Variants in RNF111 observed in about 807,000 individuals in gnomAD.
RNF111 encodes ring finger protein 111.
RNF111 carries 17 observed loss-of-function variants against 95.1 expected under a neutral mutation model. The ratio of observed to expected loss-of-function variants is 0.18; its 90% CI spans 0.12 to 0.27. The LOEUF (loss-of-function observed/expected upper bound fraction) is 0.27, where lower values mean the gene tolerates loss of function less well. Among genes scored for constraint, RNF111 ranks in the 10% least tolerant of loss-of-function variants. The pLI, the probability that RNF111 is intolerant of heterozygous loss-of-function variation, is 1.00. For synonymous variants in RNF111, 440 were observed against 414.8 expected, an observed-to-expected ratio of 1.06 and a Z score of -0.74; for missense variants, 1,189 against 1,210.4, an observed-to-expected ratio of 0.98 and a Z score of 0.26.
At chr15:59,071,199 G>A (rs1295925602) in intron 6 of RNF111, among the ~76,000 whole-genome samples, 1 of 151,406 alleles carries the variant, frequency 6.6e-6, no homozygotes. Flanking sequence ...TCGGGAGGCT[G>A]AGGCAGGAGA....
chr15:59,043,851 C>T (rs1192615248), intron 2 of RNF111, among the ~76,000 whole-genome samples: 16 of 152,208 alleles, frequency 1.1e-4, no homozygotes, highest in Middle Eastern at 3.4e-3. Context: ...GGTATGGTAC[C>T]ATGGTGTCAT....
intron 4 of RNF111, among the ~76,000 whole-genome samples, chr15:59,057,464 C>T (rs754206926): frequency 2.0e-5 from 3 of 152,162 alleles, no homozygotes; most frequent in Non-Finnish European, 4.4e-5. Context: ...CCCTCTCATT[C>T]CATAGCACAT....
chr15:58,989,218 T>C (rs1206008211), intron 1 of RNF111, among the ~76,000 whole-genome samples: 1 of 152,228 alleles, frequency 6.6e-6, no homozygotes, highest in Admixed American at 6.5e-5. Context: ...ATAAGCCACA[T>C]TGTTTCACCC....
At chr15:59,076,238 C>G in intron 7 of RNF111, 23 bp downstream of exon 7, 1 of 1,601,830 alleles carries the variant, frequency 6.2e-7, no homozygotes, top group Non-Finnish European at 8.5e-7. Context: ...TTAGTGGACA[C>G]AAAATCTAGA....
rs2079083974 is a variant in RNF111, at chr15:59,092,623, G to C, written c.2826G>C (p.Glu942Asp). The change falls in exon 13 of 14, where the codon GAG (glutamate) becomes GAC (aspartate). Residue 942 changes from glutamate to aspartate, a missense_variant. By Grantham distance (45) the Glu-to-Asp change is conservative. Around this residue, in one of 2 missense-constraint regions of RNF111, gnomAD observed 165 missense variants for 284.6 expected, o/e 0.58. Transcript: ENST00000348370. ...EKCTICLSILEEGEDVRRLPC... is the reference protein window; with the variant it reads ...EKCTICLSILDEGEDVRRLPC... Reference sequence around the variant, plus strand: ...GTACTATCTGTTTGTCTATTTTAGAGGAAGGTGAAGATGTGAGGTAACTAG... The same window carrying C: ...GTACTATCTGTTTGTCTATTTTAGACGAAGGTGAAGATGTGAGGTAACTAG... 6.2e-7 allele frequency: 1 copy of C among 1,610,994 alleles called. No individual in the cohort carries two copies. The highest frequency in any genetic ancestry group is 1.1e-5 in the South Asian group (1 of 90,624).
chr15:59,033,422 T>C (rs1353951966), intron 2 of RNF111, among the ~76,000 whole-genome samples: 1 of 152,238 alleles, frequency 6.6e-6, no homozygotes, highest in Non-Finnish European at 1.5e-5. Context: ...AGAGTTCATT[T>C]TGATCATGTA....
chr15:59,073,368 C>T (rs1476124836), intron 6 of RNF111, among the ~76,000 whole-genome samples: 27 of 151,896 alleles, frequency 1.8e-4, no homozygotes, highest in Admixed American at 1.8e-3. Context: ...GTAATCCCAG[C>T]TGCTCGCGAG....
At chr15:59,012,639 A>G (rs970691575) in intron 1 of RNF111, among the ~76,000 whole-genome samples, 1 of 152,180 alleles carries the variant, frequency 6.6e-6, no homozygotes, top group African/African-American at 2.4e-5. Context: ...TTTGACTTAC[A>G]CATAATTTCT....
chr15:59,078,111 T>C (rs1283521087), intron 7 of RNF111, among the ~76,000 whole-genome samples: 1 of 152,216 alleles, frequency 6.6e-6, no homozygotes, highest in African/African-American at 2.4e-5. Flanking sequence ...TTGGTGACTT[T>C]GGATAAGTTA....
At chr15:59,018,573 C>T (rs1448925215) in intron 1 of RNF111, among the ~76,000 whole-genome samples, 1 of 152,070 alleles carries the variant, frequency 6.6e-6, no homozygotes, top group Admixed American at 6.5e-5. Context: ...ACTATATATA[C>T]AGAAACTTAT....
chr15:59,073,505 T>C (rs1193633290), intron 6 of RNF111, among the ~76,000 whole-genome samples: 1 of 151,580 alleles, frequency 6.6e-6, no homozygotes, highest in Non-Finnish European at 1.5e-5. Context: ...ATAAATAAAC[T>C]ACTTTCTTTG....
At chr15:59,058,867 A>G (rs962967078) in intron 5 of RNF111, among the ~76,000 whole-genome samples, 1 of 152,222 alleles carries the variant, frequency 6.6e-6, no homozygotes, top group Non-Finnish European at 1.5e-5. Flanking sequence ...ACTTTCGTGC[A>G]TTAAAGGATA....
chr15:59,072,599 C>G (rs796069158), intron 6 of RNF111, among the ~76,000 whole-genome samples: 2 of 151,178 alleles, frequency 1.3e-5, no homozygotes. Context: ...TACAGGTGCC[C>G]GCCACCACGC....
At chr15:59,009,118 C>T (rs999854611) in intron 1 of RNF111, among the ~76,000 whole-genome samples, 1 of 152,038 alleles carries the variant, frequency 6.6e-6, no homozygotes, top group Non-Finnish European at 1.5e-5. Flanking sequence ...CCACCATGTC[C>T]AGCTAATTTT....
intron 6 of RNF111, among the ~76,000 whole-genome samples, chr15:59,072,668 G>A (rs2042989141): frequency 1.3e-5 from 2 of 151,190 alleles, no homozygotes; most frequent in Admixed American, 6.6e-5. Context: ...TAGCCACGTT[G>A]GTCTCAATCT....
intron 1 of RNF111, among the ~76,000 whole-genome samples, chr15:59,016,404 G>A (rs1047755337): frequency 2.6e-5 from 4 of 151,904 alleles, no homozygotes; most frequent in South Asian, 4.1e-4. Context: ...TCTTGACTTC[G>A]TGATCTGCCC....
At chr15:59,041,754 G>A (rs564557891) in intron 2 of RNF111, among the ~76,000 whole-genome samples, 4 of 152,224 alleles carry the variant, frequency 2.6e-5, no homozygotes, top group Admixed American at 2.6e-4. Flanking sequence ...CACCGGCAAG[G>A]GTGCCTGTTT....
At position 59,097,392 on chromosome 15, in the gene RNF111, T is replaced by C. The variant is rs1158266119; in HGVS notation, c.*2492T>C. 6.6e-6 allele frequency: 1 copy of C among 152,158 alleles called. No individual in the cohort carries two copies. Among genetic ancestry groups the C allele is most frequent in the Admixed American group, 6.5e-5 (1 of 15,268 alleles). 9.4% of individuals were successfully genotyped at this position (152,158 alleles called of 1,614,324 possible). A position where few individuals can be genotyped will look rare whatever the true frequency, so the allele number is the denominator to read the frequency against. On this transcript the variant is annotated 3_prime_UTR_variant, in exon 14 of 14. Coordinates refer to ENST00000348370, the MANE Select transcript of RNF111 (RefSeq NM_017610.8). Reference sequence around the variant, plus strand: ...CACTTCAGCATTTGAACCATAACAGTTGTGATAAACTGATCGTTTGAAACG... The same window carrying C: ...CACTTCAGCATTTGAACCATAACAGCTGTGATAAACTGATCGTTTGAAACG...
chr15:59,058,314 A>G, intron 4 of RNF111, 42 bp from the exon 5 acceptor site: 3 of 1,487,542 alleles, frequency 2.0e-6, no homozygotes, highest in Non-Finnish European at 2.8e-6. Context: ...CCCTTTATCT[A>G]ATTTGTTTTG....
Sources: gnomAD v4.1 joint callset for allele counts (sites outside exome capture counted in the v4.1 genomes callset) on GRCh38, gnomAD v4.1.1 for gene constraint, gnomAD v4.1.1 regional missense constraint, MANE v1.5 for transcripts, NCBI Gene and HGNC (gene_info 2026-07-23, HGNC 2026-07-21) for gene names.